Variants in SPOCK3 observed in about 807,000 individuals in gnomAD.
SPOCK3 encodes SPARC (osteonectin), cwcv and kazal like domains proteoglycan 3, also known as testican-3.
A neutral mutation model predicts 56.6 loss-of-function variants in SPOCK3; 30 were observed. That is an observed-to-expected ratio of 0.53 (90% CI 0.40 to 0.72). The LOEUF (loss-of-function observed/expected upper bound fraction) is 0.72, where lower values mean the gene tolerates loss of function less well. Ranked by LOEUF, SPOCK3 falls within the 30% of genes least tolerant of loss-of-function variation. The pLI is 0.00. For synonymous variants in SPOCK3, 196 were observed against 183.3 expected (o/e 1.07, Z -0.56); for missense variants, 527 against 530.0 (o/e 0.99, Z 0.06).
At chr4:166,928,397 A>G (rs1739357749) in intron 4 of SPOCK3, among the ~76,000 whole-genome samples, 1 of 152,240 alleles carries the variant, frequency 6.6e-6, no homozygotes, top group Admixed American at 6.5e-5. Flanking sequence ...AGCACTAAAA[A>G]TAAACTTTAA....
At chr4:167,069,779 A>G (rs1158430322) in intron 2 of SPOCK3, among the ~76,000 whole-genome samples, 1 of 151,966 alleles carries the variant, frequency 6.6e-6, no homozygotes, top group East Asian at 1.9e-4. Flanking sequence ...TGCTGGCTTT[A>G]GCCTTAGAAA....
intron 2 of SPOCK3, among the ~76,000 whole-genome samples, chr4:167,230,693 T>A (rs571350686): frequency 2.6e-5 from 4 of 152,240 alleles, no homozygotes; most frequent in African/African-American, 7.2e-5. Context: ...GTGAAACTTG[T>A]ATGCTTTCCT....
intron 2 of SPOCK3, among the ~76,000 whole-genome samples, chr4:167,232,671 T>G (rs2111187093): frequency 6.6e-6 from 1 of 152,118 alleles, no homozygotes; most frequent in South Asian, 2.1e-4. Context: ...TATGCTTTTA[T>G]AAGGGCATTT....
intron 4 of SPOCK3, among the ~76,000 whole-genome samples, chr4:166,966,184 G>A (rs554080095): frequency 6.6e-6 from 1 of 150,666 alleles, no homozygotes; most frequent in African/African-American, 2.4e-5. Context: ...TCTTTTTAGA[G>A]CTAATGAGTA....
chr4:166,970,898 C>T (rs1745307616), intron 4 of SPOCK3, among the ~76,000 whole-genome samples: 1 of 152,030 alleles, frequency 6.6e-6, no homozygotes, highest in South Asian at 2.1e-4. Flanking sequence ...ATTTTTGTTA[C>T]TTTTGTTTTA....
chr4:166,973,510 G>A (rs1367177668), intron 4 of SPOCK3, among the ~76,000 whole-genome samples: 1 of 152,026 alleles, frequency 6.6e-6, no homozygotes, highest in Non-Finnish European at 1.5e-5. Context: ...TTCATTACAG[G>A]TTATTGTCGC....
intron 2 of SPOCK3, among the ~76,000 whole-genome samples, chr4:167,093,030 ATGAT>A (rs1276668633): frequency 6.6e-6 from 1 of 152,162 alleles, no homozygotes; most frequent in Non-Finnish European, 1.5e-5. Context: ...ATAATTTTGA[ATGAT>A]TAAGTGGTTA....
chr4:167,114,593 AT>A (rs979303885), intron 2 of SPOCK3, among the ~76,000 whole-genome samples: 17 of 152,156 alleles, frequency 1.1e-4, no homozygotes, highest in African/African-American at 7.2e-5. Context: ...TTTAAATGTA[AT>A]TTTCAGCAGT....
At chr4:167,222,820 TATAAAC>T (rs1736119103) in intron 2 of SPOCK3, among the ~76,000 whole-genome samples, 1 of 123,684 alleles carries the variant, frequency 8.1e-6, no homozygotes, top group African/African-American at 3.2e-5. Flanking sequence ...TATATAAATA[TATAAAC>T]ATAGATATAT....
chr4:166,981,194 G>A (rs80183065), intron 4 of SPOCK3, among the ~76,000 whole-genome samples: 1,790 of 151,594 alleles, frequency 0.012, 39 homozygotes, highest in African/African-American at 0.041. Flanking sequence ...AGGGCATTCC[G>A]TGAGTGTCCA....
At chr4:166,755,510 A>C (rs896117477) in intron 7 of SPOCK3, among the ~76,000 whole-genome samples, 1 of 152,034 alleles carries the variant, frequency 6.6e-6, no homozygotes, top group Non-Finnish European at 1.5e-5. Context: ...CTATTTTAAA[A>C]ATTTGCTTTC....
At chr4:166,971,783 T>C (rs1212231958) in intron 4 of SPOCK3, among the ~76,000 whole-genome samples, 1 of 152,104 alleles carries the variant, frequency 6.6e-6, no homozygotes, top group Non-Finnish European at 1.5e-5. Flanking sequence ...AGCTTCGGCT[T>C]ACAACTAAAC....
intron 3 of SPOCK3, among the ~76,000 whole-genome samples, chr4:167,038,428 T>C (rs1427376768): frequency 6.6e-6 from 1 of 152,130 alleles, no homozygotes; most frequent in Non-Finnish European, 1.5e-5. Flanking sequence ...TATCTACAAA[T>C]TTATGTTATA....
At chr4:167,137,667 T>C (rs930049177) in intron 2 of SPOCK3, among the ~76,000 whole-genome samples, 9 of 151,926 alleles carry the variant, frequency 5.9e-5, no homozygotes, top group African/African-American at 2.2e-4. Flanking sequence ...TTTCTGACTA[T>C]ACAACTAACT....
chr4:167,085,732 T>A (rs1464315208), intron 2 of SPOCK3, among the ~76,000 whole-genome samples: 3 of 152,094 alleles, frequency 2.0e-5, no homozygotes, highest in Non-Finnish European at 2.9e-5. Context: ...CTTGGGGAAA[T>A]ACAGTCCATT....
At chr4:167,047,289 T>A (rs184882067) in intron 3 of SPOCK3, among the ~76,000 whole-genome samples, 8 of 152,118 alleles carry the variant, frequency 5.3e-5, no homozygotes, top group Non-Finnish European at 8.8e-5. Flanking sequence ...ATAATTTGAG[T>A]AGAGAGAAGT....
intron 2 of SPOCK3, among the ~76,000 whole-genome samples, chr4:167,114,064 A>T (rs925005839): frequency 6.6e-6 from 1 of 152,152 alleles, no homozygotes; most frequent in African/African-American, 2.4e-5. Context: ...ATTGTATTCA[A>T]GAGATTAAAA....
intron 2 of SPOCK3, among the ~76,000 whole-genome samples, chr4:167,068,258 GAA>G (rs1580190182): frequency 6.8e-6 from 1 of 147,728 alleles, no homozygotes; most frequent in Non-Finnish European, 1.5e-5. Context: ...TTTAGAAGAA[GAA>G]AAGTCTAAAC....
intron 4 of SPOCK3, among the ~76,000 whole-genome samples, chr4:166,927,574 A>G (rs1263538649): frequency 1.3e-5 from 2 of 152,224 alleles, no homozygotes; most frequent in Admixed American, 1.3e-4. Flanking sequence ...CACAAAATGT[A>G]ACTCAAAACG....
Sources: gnomAD v4.1 joint callset for allele counts (sites outside exome capture counted in the v4.1 genomes callset) on GRCh38, gnomAD v4.1.1 for gene constraint, MANE v1.5 for transcripts, NCBI Gene and HGNC (gene_info 2026-07-23, HGNC 2026-07-21) for gene names.